The following TGFBR3 variants were observed in gnomAD, a reference collection of about 807,000 sequenced individuals.
TGFBR3 encodes transforming growth factor beta receptor 3.
Under a neutral mutation model 87.9 loss-of-function variants are expected in TGFBR3, and 46 were observed. That is an observed-to-expected ratio of 0.52 (90% CI 0.41 to 0.67). The LOEUF is 0.67. TGFBR3 is among the 30% of genes least tolerant of loss of function. The pLI is 0.00. For synonymous variants in TGFBR3, 381 were observed against 391.6 expected (o/e 0.97, Z 0.32); for missense variants, 866 against 1,041.9 (o/e 0.83, Z 2.32).
intron 4 of TGFBR3, chr1:91,755,095 C>T (rs71650465): frequency 6.6e-6 from 1 of 152,150 alleles, no homozygotes; most frequent in Non-Finnish European, 1.5e-5. Flanking sequence ...ACGGTGAAGC[C>T]TGAATTTCCA....
chr1:91,843,096 T>C (rs996727695), intron 2 of TGFBR3, among the ~76,000 whole-genome samples: 1 of 152,204 alleles, frequency 6.6e-6, no homozygotes, highest in Admixed American at 6.5e-5. Context: ...GTACCAAAAA[T>C]ATGCCTGAAT....
intron 4 of TGFBR3, among the ~76,000 whole-genome samples, chr1:91,751,140 G>A (rs2100871306): frequency 6.6e-6 from 1 of 152,276 alleles, no homozygotes; most frequent in South Asian, 2.1e-4. Context: ...TACCCGGTAT[G>A]CTAATTCTGT....
intron 3 of TGFBR3, among the ~76,000 whole-genome samples, chr1:91,793,520 AG>A (rs1675266579): frequency 1.3e-5 from 2 of 152,106 alleles, no homozygotes; most frequent in African/African-American, 4.8e-5. Context: ...AATATTTGGT[AG>A]AGGCCAGGTG....
rs1050623 is a variant in TGFBR3 at position 91,683,168 on chromosome 1, A to G, written c.*571T>C. Reference sequence around the variant, plus strand: ...GCAGTCCCTGAGGGCAGCACCCATCAAGGGACACATCAGACCCCACAGGTT... The same window carrying G: ...GCAGTCCCTGAGGGCAGCACCCATCGAGGGACACATCAGACCCCACAGGTT... On this transcript the variant is annotated 3_prime_UTR_variant, in exon 17 of 17. Transcript: ENST00000212355. The G allele has an allele frequency of 8.8e-6, 4 of 454,446 alleles. No homozygotes were observed. The Admixed American group carries it at 9.4e-5, about 11-fold the overall frequency. 28.2% of individuals were successfully genotyped at this position (454,446 alleles called of 1,614,324 possible). A position where few individuals can be genotyped will look rare whatever the true frequency, so the allele number is the denominator to read the frequency against.
intron 3 of TGFBR3, among the ~76,000 whole-genome samples, chr1:91,787,084 C>T (rs1261154220): frequency 3.9e-5 from 6 of 152,100 alleles, no homozygotes; most frequent in African/African-American, 1.2e-4. Flanking sequence ...AGGCAGATCA[C>T]GAGGTCAAGA....
intron 4 of TGFBR3, among the ~76,000 whole-genome samples, chr1:91,740,202 G>A (rs1014606298): frequency 9.2e-5 from 14 of 152,098 alleles, no homozygotes; most frequent in Non-Finnish European, 1.6e-4. Flanking sequence ...TGGGATTACA[G>A]GCGTGTGCCA....
chr1:91,831,464 G>A (rs1676855442), intron 2 of TGFBR3, among the ~76,000 whole-genome samples: 1 of 152,170 alleles, frequency 6.6e-6, no homozygotes, highest in Non-Finnish European at 1.5e-5. Context: ...AGAAACATAT[G>A]CTTCTGTCTT....
chr1:91,697,401 GCA>G (rs1671469595), intron 15 of TGFBR3, among the ~76,000 whole-genome samples: 1 of 152,194 alleles, frequency 6.6e-6, no homozygotes, highest in Non-Finnish European at 1.5e-5. Context: ...AGGAAAAAAA[GCA>G]CAGATTCACA....
intron 1 of TGFBR3, among the ~76,000 whole-genome samples, chr1:91,872,462 C>T (rs1247933738): frequency 6.6e-6 from 1 of 152,204 alleles, no homozygotes; most frequent in Non-Finnish European, 1.5e-5. Flanking sequence ...AGAATCCGTT[C>T]TCCAATGTCC....
intron 3 of TGFBR3, chr1:91,786,078 A>T (rs1674948071): frequency 2.6e-6 from 1 of 379,736 alleles, no homozygotes; most frequent in African/African-American, 2.1e-5. Context: ...GCAAATTTTT[A>T]AAATATATTA....
At chr1:91,818,638 A>G (rs1676334794) in intron 2 of TGFBR3, among the ~76,000 whole-genome samples, 1 of 152,200 alleles carries the variant, frequency 6.6e-6, no homozygotes, top group African/African-American at 2.4e-5. Flanking sequence ...TCAAGGGAGT[A>G]TTCAGAGATG....
chr1:91,811,662 T>C (rs1676035036), intron 2 of TGFBR3, among the ~76,000 whole-genome samples: 1 of 152,190 alleles, frequency 6.6e-6, no homozygotes, highest in Non-Finnish European at 1.5e-5. Flanking sequence ...TCAATCAAAT[T>C]GTATTTAACC....
rs376516628 is a variant in TGFBR3 at position 91,740,391 on chromosome 1, G to C, written c.385-5432C>G. Reference sequence around the variant, plus strand: ...CAATTTTTTTTTTTTTTTAGATGGAGTCTCGCTCTGTCGCCCAGGCTGGAG... The same window carrying C: ...CAATTTTTTTTTTTTTTTAGATGGACTCTCGCTCTGTCGCCCAGGCTGGAG... On this transcript the variant is annotated intron_variant, in intron 4 of 16. Coordinates refer to ENST00000212355, the MANE Select transcript of TGFBR3 (RefSeq NM_003243.5). Among the ~76,000 whole-genome samples the C allele has an allele frequency of 1.2e-4, 17 of 146,892 alleles. No individual in the cohort carries two copies. The East Asian group carries it at 3.4e-3, about 29-fold the overall frequency.
chr1:91,719,558 C>T (rs1672289065), intron 9 of TGFBR3, 94 bp from the exon 10 acceptor site: 1 of 1,528,864 alleles, frequency 6.5e-7, no homozygotes, highest in Non-Finnish European at 9.0e-7. Context: ...CTTCCAAGGA[C>T]AGGCGATGAG....
At chr1:91,847,768 TC>T (rs1348139034) in intron 2 of TGFBR3, among the ~76,000 whole-genome samples, 15 of 152,128 alleles carry the variant, frequency 9.9e-5, no homozygotes, top group African/African-American at 3.6e-4. Flanking sequence ...TTTTATCCAC[TC>T]AGCCCATATC....
upstream of TGFBR3, among the ~76,000 whole-genome samples, chr1:91,887,453 C>CG (rs1446501461): frequency 2.6e-5 from 4 of 151,388 alleles, no homozygotes; most frequent in Admixed American, 6.6e-5. Context: ...GTTGGCAGGG[C>CG]GGGGGTCTCA....
At chr1:91,720,350 A>G (rs1672323309) in intron 8 of TGFBR3, 120 bp from the exon 9 acceptor site, 7 of 959,562 alleles carry the variant, frequency 7.3e-6, no homozygotes, top group African/African-American at 3.2e-5. Flanking sequence ...ACTTTTAATA[A>G]GCAGTGCATA....
intron 2 of TGFBR3, among the ~76,000 whole-genome samples, chr1:91,807,052 C>G (rs1467769839): frequency 6.6e-6 from 1 of 152,174 alleles, no homozygotes; most frequent in East Asian, 1.9e-4. Context: ...CCTGGAATGC[C>G]CTGAGCTCAC....
chr1:91,780,665 T>C (rs1230937420), intron 3 of TGFBR3, among the ~76,000 whole-genome samples: 5 of 146,644 alleles, frequency 3.4e-5, no homozygotes, highest in Non-Finnish European at 3.0e-5. Flanking sequence ...GCTCAAGCGA[T>C]TCTCCTGCCT....
Sources: gnomAD v4.1 joint callset for allele counts (sites outside exome capture counted in the v4.1 genomes callset) on GRCh38, gnomAD v4.1.1 for gene constraint, MANE v1.5 for transcripts, NCBI Gene and HGNC (gene_info 2026-07-23, HGNC 2026-07-21) for gene names.